Variants in AVEN observed in about 807,000 individuals in gnomAD.
AVEN encodes apoptosis and caspase activation inhibitor.
In AVEN, 41 loss-of-function variants were observed where a neutral mutation model predicts 38.1. The ratio of observed to expected loss-of-function variants is 1.08; its 90% confidence interval spans 0.84 to 1.40. The LOEUF is 1.40. Ranked by LOEUF, AVEN falls within the 40% of genes most tolerant of loss-of-function variation. The probability of loss-of-function intolerance (pLI) is 0.00; values close to 1 mark genes in which losing one functional copy is unlikely to be tolerated. For missense variants in AVEN, 605 were observed against 438.8 expected (o/e 1.38, Z -3.38); for synonymous variants, 206 against 171.8 (o/e 1.20, Z -1.56).
intron 2 of AVEN, among the ~76,000 whole-genome samples, chr15:33,986,112 T>C (rs75303999): frequency 9.6e-6 from 1 of 103,918 alleles, no homozygotes; most frequent in Non-Finnish European, 2.2e-5. Flanking sequence ...TTGTTTTTTG[T>C]TTTTTGTTTT....
intron 5 of AVEN, among the ~76,000 whole-genome samples, chr15:34,053,319 A>ATATGT (rs1555520677): frequency 2.4e-5 from 1 of 42,102 alleles, no homozygotes; most frequent in Non-Finnish European, 4.7e-5. Context: ...AAAAAAAAAA[A>ATATGT]ATATATATAT....
At chr15:33,980,808 C>T (rs957546127) in intron 2 of AVEN, among the ~76,000 whole-genome samples, 2 of 152,124 alleles carry the variant, frequency 1.3e-5, no homozygotes, top group Non-Finnish European at 2.9e-5. Context: ...ATATGCAAAA[C>T]ATTATCAACA....
At chr15:34,014,268 G>A (rs1451431130) in intron 1 of AVEN, among the ~76,000 whole-genome samples, 1 of 151,180 alleles carries the variant, frequency 6.6e-6, no homozygotes, top group Non-Finnish European at 1.5e-5. Flanking sequence ...GGAGGCTGAG[G>A]CAGGAGGATT....
chr15:33,979,595 C>A (rs1000515199), intron 2 of AVEN, among the ~76,000 whole-genome samples: 5 of 152,312 alleles, frequency 3.3e-5, no homozygotes, highest in South Asian at 2.1e-4. Flanking sequence ...TAAACCTCAA[C>A]CTTTATGAGC....
intron 2 of AVEN, among the ~76,000 whole-genome samples, chr15:33,974,621 T>C (rs569599338): frequency 6.6e-6 from 1 of 152,170 alleles, no homozygotes; most frequent in Non-Finnish European, 1.5e-5. Context: ...ACATGAATAA[T>C]GCATGTGTAC....
intron 5 of AVEN, among the ~76,000 whole-genome samples, chr15:34,053,345 G>A (rs1188293498): frequency 5.1e-4 from 46 of 89,486 alleles, no homozygotes; most frequent in Admixed American, 5.1e-3. Context: ...TATATATATG[G>A]AACTGAAAAG....
chr15:33,946,779 G>C (rs1052890145), intron 2 of AVEN, among the ~76,000 whole-genome samples: 2 of 152,226 alleles, frequency 1.3e-5, no homozygotes, highest in Non-Finnish European at 2.9e-5. Context: ...GTACAGCAAA[G>C]TAGCTGCGGT....
chr15:33,872,240 G>A (rs569285686), intron 3 of AVEN, among the ~76,000 whole-genome samples: 2 of 152,338 alleles, frequency 1.3e-5, no homozygotes, highest in African/African-American at 4.8e-5. Context: ...GACCCTGTCT[G>A]TGTGCTGAGA....
intron 2 of AVEN, among the ~76,000 whole-genome samples, chr15:33,998,869 T>C (rs1234805450): frequency 2.6e-5 from 4 of 152,206 alleles, no homozygotes; most frequent in African/African-American, 7.2e-5. Context: ...AGTACTTCTC[T>C]AGGTAATAAC....
At chr15:33,995,144 G>A (rs2140587367) in intron 2 of AVEN, among the ~76,000 whole-genome samples, 1 of 152,114 alleles carries the variant, frequency 6.6e-6, no homozygotes, top group South Asian at 2.1e-4. Flanking sequence ...CACCTCTATA[G>A]TCCCACCTAC....
At chr15:33,945,595 G>T (rs1041567969) in intron 2 of AVEN, among the ~76,000 whole-genome samples, 8 of 151,142 alleles carry the variant, frequency 5.3e-5, no homozygotes, top group African/African-American at 1.5e-4. Context: ...TTTTGTTTTG[G>T]TTTTTTTTTG....
intron 2 of AVEN, among the ~76,000 whole-genome samples, chr15:33,954,822 T>C (rs1047327249): frequency 6.6e-6 from 1 of 152,178 alleles, no homozygotes; most frequent in Admixed American, 6.5e-5. Context: ...TCAATCTGCA[T>C]CTAGTCCCAC....
intron 2 of AVEN, among the ~76,000 whole-genome samples, chr15:33,919,781 C>T (rs11854992): frequency 4.6e-5 from 7 of 152,128 alleles, no homozygotes; most frequent in African/African-American, 1.7e-4. Context: ...AGGTATTTGG[C>T]CTCATTCCCT....
At chr15:34,025,542 T>C (rs2140735384) in intron 1 of AVEN, among the ~76,000 whole-genome samples, 1 of 152,306 alleles carries the variant, frequency 6.6e-6, no homozygotes, top group Non-Finnish European at 1.5e-5. Context: ...AAGGACGTTA[T>C]TGGGTCATCT....
At chr15:33,867,337 G>C (rs193037128) in intron 5 of AVEN, among the ~76,000 whole-genome samples, 158 bp downstream of exon 5, 12 of 144,764 alleles carry the variant, frequency 8.3e-5, no homozygotes, top group African/African-American at 3.2e-4. Flanking sequence ...GGTCAGCTCA[G>C]GGGGAAGCAG....
At chr15:33,921,922 G>A (rs1207309410) in intron 2 of AVEN, among the ~76,000 whole-genome samples, 1 of 152,140 alleles carries the variant, frequency 6.6e-6, no homozygotes, top group African/African-American at 2.4e-5. Flanking sequence ...TTCTCCTTAA[G>A]AGCAGGGAGC....
intron 2 of AVEN, among the ~76,000 whole-genome samples, chr15:33,969,558 T>G (rs1895538193): frequency 6.6e-6 from 1 of 152,040 alleles, no homozygotes; most frequent in Non-Finnish European, 1.5e-5. Context: ...GCATTTTAAA[T>G]ATTTTTATTC....
chr15:33,993,314 G>C (rs567010521), intron 2 of AVEN, among the ~76,000 whole-genome samples: 2 of 152,292 alleles, frequency 1.3e-5, no homozygotes, highest in East Asian at 3.9e-4. Context: ...CTCTTTCAGA[G>C]ACTAACAGAA....
At chr15:33,918,928 T>G (rs1384552881) in intron 2 of AVEN, among the ~76,000 whole-genome samples, 2 of 150,996 alleles carry the variant, frequency 1.3e-5, no homozygotes, top group Non-Finnish European at 3.0e-5. Context: ...TTTTCTGTTT[T>G]TTTTTTTTTT....
Sources: allele counts gnomAD v4.1 joint callset (sites outside exome capture counted in the v4.1 genomes callset), GRCh38; gene constraint gnomAD v4.1.1; transcripts MANE v1.5; gene names NCBI Gene and HGNC (gene_info 2026-07-23, HGNC 2026-07-21).